The following SNX29 variants were observed in gnomAD, a reference collection of about 807,000 sequenced individuals.
SNX29 encodes the protein sorting nexin-29.
In SNX29, 78 loss-of-function variants were observed where a neutral mutation model predicts 102.1. The observed-to-expected ratio is 0.76, with a 90% CI of 0.64 to 0.92. The LOEUF (loss-of-function observed/expected upper bound fraction) is 0.92. Ranked by LOEUF, SNX29 falls within the 40% of genes least tolerant of loss-of-function variation. The probability of loss-of-function intolerance (pLI) is 0.00; values close to 1 mark genes in which losing one functional copy is unlikely to be tolerated. For synonymous variants in SNX29, 580 were observed against 414.5 expected, an observed-to-expected ratio of 1.40 and a Z score of -4.85; for missense variants, 1,280 against 1,061.7, an observed-to-expected ratio of 1.21 and a Z score of -2.86.
intron 11 of SNX29, among the ~76,000 whole-genome samples, chr16:12,123,938 A>G (rs758433919): frequency 1.1e-4 from 16 of 152,224 alleles, no homozygotes; most frequent in Non-Finnish European, 2.2e-4. Context: ...GCTTTATCCT[A>G]TGAGGTTGGT....
rs1275653324 is a variant in SNX29 at position 12,048,404 on chromosome 16, G to A, written c.532G>A (p.Asp178Asn). 5 of 1,613,540 alleles carry A rather than the reference G, an allele frequency of 3.1e-6. No individual in the cohort carries two copies. The highest frequency in any genetic ancestry group is 2.2e-5 in the East Asian group (1 of 44,864). Residue 178 changes from aspartate to asparagine, a missense_variant, in exon 7 of 21, where the codon GAC becomes AAC. Coordinates refer to ENST00000566228, the MANE Select transcript of SNX29 (RefSeq NM_032167.5). ...CTCCATACTCTTTGCGATTAACATC[G>A]ACAACAAGGATTTGAACGGGCAGAG... The part of the protein sequence containing the change: ...LNSILFAINI[D>N]NKDLNGQSKF...
intron 4 of SNX29, among the ~76,000 whole-genome samples, chr16:12,037,877 C>G (rs1247130945): frequency 6.6e-6 from 1 of 152,002 alleles, no homozygotes; most frequent in Non-Finnish European, 1.5e-5. Context: ...ATCGCTTGAG[C>G]CCAGGAGTTC....
chr16:12,076,295 G>C (rs377373088), intron 10 of SNX29, among the ~76,000 whole-genome samples: 63 of 149,150 alleles, frequency 4.2e-4, no homozygotes, highest in African/African-American at 1.5e-3. Flanking sequence ...GGCCATCTTG[G>C]CTCCTCCCTT....
chr16:12,046,730 C>G (rs549692758), intron 6 of SNX29, among the ~76,000 whole-genome samples: 1 of 152,368 alleles, frequency 6.6e-6, no homozygotes, highest in African/African-American at 2.4e-5. Context: ...AGTCATTTTC[C>G]TGTCTCAACC....
At chr16:12,143,612 A>C (rs2054945725) in intron 13 of SNX29, among the ~76,000 whole-genome samples, 1 of 152,200 alleles carries the variant, frequency 6.6e-6, no homozygotes, top group African/African-American at 2.4e-5. Flanking sequence ...GAGAGATTGC[A>C]TGTCAAGGGT....
In SNX29 at chr16:11,997,899, AAC is replaced by A. The variant is rs548720140; in HGVS notation, c.8-1390_8-1389del. On this transcript the variant is annotated intron_variant, in intron 1 of 20. Coordinates refer to ENST00000566228, the MANE Select transcript of SNX29 (RefSeq NM_032167.5). Reference sequence around the variant, plus strand: ...AAGTTAAATAAGTCCTGGGTGGATCAACACACACAATCACTTGACTTCCCCGA... The same window carrying A: ...AAGTTAAATAAGTCCTGGGTGGATCAACACACAATCACTTGACTTCCCCGA... Among the ~76,000 whole-genome samples, 62 of 152,310 alleles carry A rather than the reference AAC, an allele frequency of 4.1e-4. 1 individual carries two copies. The South Asian group carries it at 0.012, about 30-fold the overall frequency.
intron 3 of SNX29, among the ~76,000 whole-genome samples, chr16:12,009,334 GC>G (rs2056567272): frequency 6.6e-6 from 1 of 151,960 alleles, no homozygotes; most frequent in African/African-American, 2.4e-5. Context: ...ACCGTATTTT[GC>G]CAAAATACAA....
chr16:12,119,944 GT>G (rs1168466232), intron 11 of SNX29, among the ~76,000 whole-genome samples: 1 of 152,250 alleles, frequency 6.6e-6, no homozygotes, highest in African/African-American at 2.4e-5. Context: ...CAGGCAGTGT[GT>G]GGTAACCACT....
At chr16:12,243,983 G>A (rs1264412248) in intron 14 of SNX29, among the ~76,000 whole-genome samples, 1 of 152,188 alleles carries the variant, frequency 6.6e-6, no homozygotes, top group Admixed American at 6.5e-5. Flanking sequence ...ACTGGTGGTG[G>A]GGGTGGTGGT....
chr16:12,540,619 T>TAA (rs908193952), intron 20 of SNX29, among the ~76,000 whole-genome samples: 1 of 152,294 alleles, frequency 6.6e-6, no homozygotes, highest in Non-Finnish European at 1.5e-5. Flanking sequence ...GGGGTGGACC[T>TAA]AAAGAGTCCA....
At chr16:12,264,643 G>A (rs751377971) in intron 14 of SNX29, among the ~76,000 whole-genome samples, 1 of 152,172 alleles carries the variant, frequency 6.6e-6, no homozygotes, top group Middle Eastern at 3.4e-3. Flanking sequence ...TTAGCCGGAC[G>A]TGATAGCAAG....
intron 11 of SNX29, among the ~76,000 whole-genome samples, chr16:12,094,413 A>ACTGCAAATAGGTTGAC (rs1224410498): frequency 2.6e-5 from 4 of 152,188 alleles, no homozygotes; most frequent in African/African-American, 9.7e-5. Context: ...TTATTGTTGA[A>ACTGCAAATAGGTTGAC]CTGCAAATAG....
At chr16:12,142,386 A>G (rs1227180177) in intron 13 of SNX29, among the ~76,000 whole-genome samples, 1 of 146,438 alleles carries the variant, frequency 6.8e-6, no homozygotes, top group Non-Finnish European at 1.5e-5. Context: ...CTCATGATGT[A>G]CCCCAGAGCA....
At chr16:12,537,882 C>T (rs9788843) in intron 20 of SNX29, among the ~76,000 whole-genome samples, 9,911 of 151,312 alleles carry the variant, frequency 0.066, 451 homozygotes, top group East Asian at 0.14. Context: ...CTTTTTGGGA[C>T]GCTAAGGCAG....
intron 2 of SNX29, among the ~76,000 whole-genome samples, chr16:12,002,553 T>C (rs1437737250): frequency 6.6e-6 from 1 of 152,176 alleles, no homozygotes; most frequent in Non-Finnish European, 1.5e-5. Context: ...TGTGCTGTTG[T>C]AACGTCATAG....
rs927498387 is a variant in SNX29 at position 12,076,386 on chromosome 16, C to T, written c.1320-2447C>T. On this transcript the variant is annotated intron_variant, in intron 10 of 20. Transcript: ENST00000566228. ...CACCATCTTGGCTCACTGCAACATC[C>T]GCCTCCTGGGTTCAAGTGATTCTCC... Among the ~76,000 whole-genome samples, 9 of 151,894 alleles carry T rather than the reference C, an allele frequency of 5.9e-5. No individual in the cohort carries two copies. In the South Asian group the frequency reaches 6.2e-4, roughly 11 times the overall value.
intron 20 of SNX29, among the ~76,000 whole-genome samples, chr16:12,549,965 G>A (rs908499735): frequency 2.0e-5 from 3 of 152,332 alleles, no homozygotes; most frequent in African/African-American, 7.2e-5. Context: ...ATTGGAACAT[G>A]CCCAGTCATT....
intron 4 of SNX29, among the ~76,000 whole-genome samples, chr16:12,034,811 G>C (rs917136291): frequency 1.6e-4 from 24 of 152,262 alleles, no homozygotes; most frequent in East Asian, 5.8e-4. Context: ...TGGAGTTCGA[G>C]ACCAGCCTGG....
intron 20 of SNX29, among the ~76,000 whole-genome samples, chr16:12,531,236 G>C (rs997068479): frequency 6.6e-6 from 1 of 152,380 alleles, no homozygotes; most frequent in South Asian, 2.1e-4. Flanking sequence ...TGTGCCTGGA[G>C]AACAGGGCAC....
Sources: gnomAD v4.1 joint callset for allele counts (sites outside exome capture counted in the v4.1 genomes callset) on GRCh38, gnomAD v4.1.1 for gene constraint, MANE v1.5 for transcripts, NCBI Gene and HGNC (gene_info 2026-07-23, HGNC 2026-07-21) for gene names.